ANK2: variants seen among roughly 807,000 people sequenced by gnomAD.
ANK2 encodes ankyrin-2.
In ANK2, 83 loss-of-function variants were observed where a neutral mutation model predicts 360.5. That is an observed-to-expected ratio of 0.23 (90% CI 0.19 to 0.28). ANK2 has a LOEUF of 0.28. ANK2 is among the 10% of genes least tolerant of loss of function. The pLI is 1.00. For missense variants in ANK2, 4,201 were observed against 4,795.7 expected, an observed-to-expected ratio of 0.88 and a Z score of 3.66; for synonymous variants, 1,740 against 1,759.5, an observed-to-expected ratio of 0.99 and a Z score of 0.28.
rs1232038862 is a variant in ANK2, at chr4:112,904,515, G to T, written c.21+1G>T. The stretch of plus-strand genomic sequence containing the variant: ...TCAAATGACCACCATGTTGCAAAAG[G>T]TACTTTTGGTATTTTAAATATTACT... On this transcript the variant is annotated splice_donor_variant, in intron 2 of 30. Transcript: ENST00000503271. LOFTEE classifies it high-confidence loss of function. 6.7e-7 allele frequency: 1 copy of T among 1,492,318 alleles called. No individual in the cohort carries two copies. Among genetic ancestry groups the T allele is most frequent in the Non-Finnish European group, 9.0e-7 (1 of 1,106,700 alleles). The allele number at this position is 1,492,318 out of a possible 1,614,324, so 92.4% of individuals were successfully genotyped here.
intron 1 of ANK2, among the ~76,000 whole-genome samples, chr4:113,051,098 C>T (rs577370877): frequency 1.3e-5 from 2 of 151,832 alleles, no homozygotes; most frequent in Non-Finnish European, 2.9e-5. Context: ...TCCTTTTGTA[C>T]CTAAGCATTC....
At chr4:112,786,436 C>T in the ANK2 span, among the ~76,000 whole-genome samples, 13 of 140,942 alleles carry the variant, frequency 9.2e-5, no homozygotes, top group African/African-American at 1.3e-4. Context: ...CTTGCTTTGT[C>T]GCCCAGGCTG....
chr4:112,800,423 T>C, the ANK2 span, among the ~76,000 whole-genome samples: 10 of 152,200 alleles, frequency 6.6e-5, no homozygotes, highest in Non-Finnish European at 1.3e-4. Context: ...GTGTATGATA[T>C]ATTTATACCT....
chr4:113,001,252 A>G (rs1400680507), intron 2 of ANK2, among the ~76,000 whole-genome samples: 8 of 149,746 alleles, frequency 5.3e-5, no homozygotes, highest in Admixed American at 4.0e-4. Context: ...AATCGCTTGA[A>G]CCTGGGAGGC....
chr4:113,310,649 T>G (rs555148146), intron 23 of ANK2, among the ~76,000 whole-genome samples: 1 of 152,216 alleles, frequency 6.6e-6, no homozygotes, highest in Non-Finnish European at 1.5e-5. Context: ...ACTCCTGACC[T>G]CAGGTGATCC....
intron 2 of ANK2, among the ~76,000 whole-genome samples, chr4:112,978,182 T>C (rs2154269799): frequency 6.6e-6 from 1 of 152,100 alleles, no homozygotes; most frequent in Middle Eastern, 3.4e-3. Context: ...AGGCAGAGGT[T>C]GCAGTGAGTC....
chr4:112,959,458 A>T (rs1319612168), intron 2 of ANK2, among the ~76,000 whole-genome samples: 1 of 152,194 alleles, frequency 6.6e-6, no homozygotes, highest in Non-Finnish European at 1.5e-5. Flanking sequence ...ATTATTTTAA[A>T]ATTTGTGATG....
chr4:113,246,361 A>T (rs2042873921), intron 9 of ANK2, among the ~76,000 whole-genome samples: 2 of 152,164 alleles, frequency 1.3e-5, no homozygotes, highest in African/African-American at 2.4e-5. Context: ...TTTGGCAATC[A>T]TTGAGGCATT....
At chr4:112,917,535 T>C (rs1300347128) in intron 2 of ANK2, among the ~76,000 whole-genome samples, 2 of 152,226 alleles carry the variant, frequency 1.3e-5, no homozygotes, top group African/African-American at 4.8e-5. Flanking sequence ...ATGTGTTACA[T>C]GTTGAAAGTC....
chr4:113,205,648 T>C (rs1404326411), intron 4 of ANK2, among the ~76,000 whole-genome samples: 2 of 152,208 alleles, frequency 1.3e-5, no homozygotes, highest in Non-Finnish European at 2.9e-5. Flanking sequence ...AGTTGTAAGA[T>C]TATATCACCA....
chr4:113,118,556 C>T (rs1463893274), intron 1 of ANK2, among the ~76,000 whole-genome samples: 1 of 152,004 alleles, frequency 6.6e-6, no homozygotes, highest in East Asian at 1.9e-4. Context: ...ATCTCACCAC[C>T]AACTAGATCA....
chr4:112,946,826 C>T (rs1254861691), intron 2 of ANK2, among the ~76,000 whole-genome samples: 3 of 152,082 alleles, frequency 2.0e-5, no homozygotes, highest in East Asian at 1.9e-4. Flanking sequence ...TGTAATTTCC[C>T]CAAAGTTATA....
intron 1 of ANK2, among the ~76,000 whole-genome samples, chr4:112,828,232 C>T (rs1214560878): frequency 7.3e-5 from 8 of 109,570 alleles, no homozygotes; most frequent in African/African-American, 1.8e-4. Context: ...GAATTACGGA[C>T]TTTTTTTTTT....
chr4:113,052,056 A>G (rs916558971), intron 1 of ANK2, among the ~76,000 whole-genome samples: 4 of 152,344 alleles, frequency 2.6e-5, no homozygotes, highest in African/African-American at 7.2e-5. Flanking sequence ...GTTATATGCT[A>G]TAATTGGAAA....
the ANK2 span, among the ~76,000 whole-genome samples, chr4:112,720,991 C>T: frequency 6.6e-6 from 1 of 152,134 alleles, no homozygotes; most frequent in African/African-American, 2.4e-5. Flanking sequence ...ATCCTCCACT[C>T]CATCCCCACC....
chr4:113,059,411 T>C (rs28739282), intron 1 of ANK2, among the ~76,000 whole-genome samples: 3,706 of 152,270 alleles, frequency 0.024, 133 homozygotes, highest in African/African-American at 0.085. Flanking sequence ...AGTACATATG[T>C]TTAATAATTG....
intron 1 of ANK2, among the ~76,000 whole-genome samples, chr4:113,097,174 A>G (rs2091458555): frequency 6.7e-6 from 1 of 149,172 alleles, no homozygotes; most frequent in Non-Finnish European, 1.5e-5. Context: ...GGAATAGTCT[A>G]TATGATGTGA....
the ANK2 span, among the ~76,000 whole-genome samples, chr4:112,765,609 C>T: frequency 6.6e-6 from 1 of 150,824 alleles, no homozygotes; most frequent in Non-Finnish European, 1.5e-5. Flanking sequence ...TGCCTTTTAC[C>T]TTATAATACT....
intron 43 of ANK2, among the ~76,000 whole-genome samples, chr4:113,370,723 G>A (rs2096707364): frequency 6.6e-6 from 1 of 152,152 alleles, no homozygotes; most frequent in Non-Finnish European, 1.5e-5. Context: ...TCATACCACT[G>A]CACTCCAGCC....
Sources: allele counts gnomAD v4.1 joint callset (sites outside exome capture counted in the v4.1 genomes callset), GRCh38; gene constraint gnomAD v4.1.1; transcripts MANE v1.5; gene names NCBI Gene and HGNC (gene_info 2026-07-23, HGNC 2026-07-21).